Variants in RASGRF2 observed in about 807,000 individuals in gnomAD.
The protein encoded by RASGRF2 is Ras protein specific guanine nucleotide releasing factor 2.
Under a neutral mutation model 151.0 loss-of-function variants are expected in RASGRF2, and 76 were observed. That is an observed-to-expected ratio of 0.50 (90% CI 0.42 to 0.61). The LOEUF is 0.61. Ranked by LOEUF, RASGRF2 falls within the 20% of genes least tolerant of loss-of-function variation. The pLI, the probability that RASGRF2 is intolerant of heterozygous loss-of-function variation, is 0.00. For missense variants in RASGRF2, 1,148 were observed against 1,564.6 expected, an observed-to-expected ratio of 0.73 and a Z score of 4.49; for synonymous variants, 504 against 566.5, an observed-to-expected ratio of 0.89 and a Z score of 1.57.
intron 26 of RASGRF2, among the ~76,000 whole-genome samples, chr5:81,224,187 A>C (rs951566276): frequency 1.6e-4 from 24 of 152,268 alleles, no homozygotes; most frequent in African/African-American, 5.8e-4. Flanking sequence ...AAAAATGACC[A>C]ATAAATATTT....
chr5:81,013,288 T>C (rs571782801), intron 1 of RASGRF2, among the ~76,000 whole-genome samples: 7 of 152,332 alleles, frequency 4.6e-5, no homozygotes, highest in African/African-American at 1.7e-4. Context: ...AGCCAAAGAT[T>C]TGAGCAAAGT....
intron 1 of RASGRF2, among the ~76,000 whole-genome samples, chr5:81,000,555 T>A (rs1433865963): frequency 6.6e-6 from 1 of 152,218 alleles, no homozygotes; most frequent in Admixed American, 6.5e-5. Flanking sequence ...TGAACTTATT[T>A]AAAAACAATA....
At chr5:80,977,004 G>A (rs1338388172) in intron 1 of RASGRF2, among the ~76,000 whole-genome samples, 1 of 152,164 alleles carries the variant, frequency 6.6e-6, no homozygotes, top group Non-Finnish European at 1.5e-5. Context: ...TTGGTCCATA[G>A]CGTCCTCTTG....
intron 18 of RASGRF2, among the ~76,000 whole-genome samples, chr5:81,187,160 G>A (rs1222272428): frequency 1.3e-5 from 2 of 152,174 alleles, no homozygotes; most frequent in African/African-American, 4.8e-5. Context: ...TCTCAAAGGG[G>A]TTTAGTCAGC....
chr5:81,112,570 C>A, intron 13 of RASGRF2, 40 bp from the exon 14 acceptor site: 10 of 1,610,326 alleles, frequency 6.2e-6, no homozygotes, highest in Non-Finnish European at 8.5e-6. Context: ...GGGGAAGCCT[C>A]CTCCTGGTTT....
rs1177320960 is a variant in RASGRF2, at chr5:81,068,281, G to A, written c.543+102G>A. The stretch of plus-strand genomic sequence containing the variant: ...CAGGGCAACATTTTAATCCCAGGCT[G>A]ACTTCCTCTGACATCAACACATACG... On this transcript the variant is annotated intron_variant, in intron 3 of 26. Coordinates refer to ENST00000265080, the MANE Select transcript of RASGRF2 (RefSeq NM_006909.3). 6.8e-6 allele frequency: 9 copies of A among 1,330,050 alleles called. No individual in the cohort carries two copies. In the African/African-American group the frequency reaches 7.4e-5, roughly 11 times the overall value. 82.4% of individuals were successfully genotyped at this position (1,330,050 alleles called of 1,614,324 possible).
rs746691628 is a variant in RASGRF2, at chr5:81,113,787, A to T, written c.2337A>T (p.Pro779=). 8.7e-6 allele frequency: 14 copies of T among 1,613,926 alleles called. No individual in the cohort carries two copies. The African/African-American group carries it at 1.5e-4, about 17-fold the overall frequency. Residue 779 remains proline, a synonymous_variant, in exon 15 of 27, where the codon CCA becomes CCT. Coordinates refer to ENST00000265080, the MANE Select transcript of RASGRF2 (RefSeq NM_006909.3). Reference sequence around the variant, plus strand: ...AGAGTCCCGCTGCGTCTCCACCACCACACACTGGTCAGATACCACTGGATC... The same window carrying T: ...AGAGTCCCGCTGCGTCTCCACCACCTCACACTGGTCAGATACCACTGGATC... ...TTQSPAASPP[P]HTGQIPLDLS...
At chr5:81,019,041 C>G (rs1354883166) in intron 1 of RASGRF2, among the ~76,000 whole-genome samples, 1 of 150,892 alleles carries the variant, frequency 6.6e-6, no homozygotes, top group Non-Finnish European at 1.5e-5. Context: ...CTGAAGTGAT[C>G]CCCCCAACCT....
At chr5:81,139,850 T>G (rs1439693980) in intron 17 of RASGRF2, among the ~76,000 whole-genome samples, 2 of 151,880 alleles carry the variant, frequency 1.3e-5, no homozygotes, top group Non-Finnish European at 1.5e-5. Flanking sequence ...AGAGATAGAG[T>G]CTTGCTCTGT....
chr5:81,061,194 G>A (rs567311862), intron 2 of RASGRF2, among the ~76,000 whole-genome samples: 1 of 151,798 alleles, frequency 6.6e-6, no homozygotes, highest in Admixed American at 6.6e-5. Flanking sequence ...TATTATAAAT[G>A]TGTATATTTA....
intron 15 of RASGRF2, among the ~76,000 whole-genome samples, chr5:81,118,360 A>G (rs1341632787): frequency 1.3e-5 from 2 of 152,192 alleles, no homozygotes; most frequent in Non-Finnish European, 2.9e-5. Flanking sequence ...CCGAAGCTGT[A>G]CCTGGGTTTG....
At chr5:81,004,538 G>A (rs919135310) in intron 1 of RASGRF2, among the ~76,000 whole-genome samples, 1 of 152,170 alleles carries the variant, frequency 6.6e-6, no homozygotes, top group Non-Finnish European at 1.5e-5. Context: ...CCACCAATTT[G>A]GCTTGTGAGA....
intron 17 of RASGRF2, among the ~76,000 whole-genome samples, chr5:81,141,411 G>C (rs1753882346): frequency 1.3e-5 from 2 of 152,142 alleles, no homozygotes. Context: ...GGGGCACAGT[G>C]GGGACCGTCT....
intron 11 of RASGRF2, 26 bp downstream of exon 11, chr5:81,094,388 T>G (rs1307740554): frequency 1.3e-6 from 2 of 1,597,314 alleles, no homozygotes; most frequent in Non-Finnish European, 1.7e-6. Flanking sequence ...TCACTTAGGA[T>G]TCTATTAGAA....
intron 1 of RASGRF2, among the ~76,000 whole-genome samples, chr5:80,994,355 C>CT (rs1561543229): frequency 9.9e-6 from 1 of 101,312 alleles, no homozygotes; most frequent in African/African-American, 4.0e-5. Context: ...GACAGAGCGA[C>CT]ACTCTGTCTC....
intron 1 of RASGRF2, among the ~76,000 whole-genome samples, chr5:80,979,726 A>G (rs1748237814): frequency 1.3e-5 from 2 of 152,172 alleles, no homozygotes; most frequent in African/African-American, 4.8e-5. Context: ...TGTATAAAGG[A>G]TGTCTATATT....
At chr5:81,033,038 C>A (rs1750325689) in intron 1 of RASGRF2, among the ~76,000 whole-genome samples, 1 of 151,678 alleles carries the variant, frequency 6.6e-6, no homozygotes, top group Non-Finnish European at 1.5e-5. Context: ...CAGTGAACTC[C>A]CATTCACAAT....
intron 16 of RASGRF2, among the ~76,000 whole-genome samples, chr5:81,124,132 C>T (rs1753389724): frequency 6.6e-6 from 1 of 152,076 alleles, no homozygotes; most frequent in Non-Finnish European, 1.5e-5. Flanking sequence ...TTAAAATATA[C>T]AGGAAAATAT....
intron 1 of RASGRF2, among the ~76,000 whole-genome samples, chr5:80,996,389 A>G (rs1748862193): frequency 6.6e-6 from 1 of 152,056 alleles, no homozygotes; most frequent in Non-Finnish European, 1.5e-5. Context: ...AAATAGCTCA[A>G]ATAGACCTCT....
Sources: allele counts gnomAD v4.1 joint callset (sites outside exome capture counted in the v4.1 genomes callset), GRCh38; gene constraint gnomAD v4.1.1; transcripts MANE v1.5; gene names NCBI Gene and HGNC (gene_info 2026-07-23, HGNC 2026-07-21).